The following TNS3 variants were observed in gnomAD, a reference collection of about 807,000 sequenced individuals.
TNS3 encodes tensin-3.
A neutral mutation model predicts 140.9 loss-of-function variants in TNS3; 45 were observed. The observed-to-expected ratio is 0.32, with a 90% CI of 0.25 to 0.41. TNS3 has a LOEUF of 0.41. Ranked by LOEUF, TNS3 falls within the 10% of genes least tolerant of loss-of-function variation. The pLI is 1.00. For synonymous variants in TNS3, 815 were observed against 788.4 expected, an observed-to-expected ratio of 1.03 and a Z score of -0.56; for missense variants, 1,716 against 1,906.7, an observed-to-expected ratio of 0.90 and a Z score of 1.86.
intron 20 of TNS3, among the ~76,000 whole-genome samples, chr7:47,335,259 G>A (rs541152703): frequency 2.9e-4 from 44 of 152,222 alleles, no homozygotes; most frequent in Admixed American, 2.2e-3. Context: ...TGACGCTCCC[G>A]CTTGAGGGCC....
At chr7:47,417,436 G>A (rs1159130752) in intron 10 of TNS3, among the ~76,000 whole-genome samples, 3 of 152,246 alleles carry the variant, frequency 2.0e-5, no homozygotes, top group African/African-American at 7.2e-5. Context: ...GAAGGCCAAA[G>A]TCCAGGGCCA....
At position 47,285,008 on chromosome 7, in the gene TNS3, G is replaced by A. The variant is rs114947883; in HGVS notation, c.3929-1143C>T. Reference sequence around the variant, plus strand: ...AGGTGTGTTGGCAGGTGCACAGACAGATGTGTTGGCAGGTGGTTTGGCAGG... The same window carrying A: ...AGGTGTGTTGGCAGGTGCACAGACAAATGTGTTGGCAGGTGGTTTGGCAGG... On this transcript the variant is annotated intron_variant, in intron 27 of 30. Coordinates refer to ENST00000311160, the MANE Select transcript of TNS3 (RefSeq NM_022748.12). Among the ~76,000 whole-genome samples the A allele has an allele frequency of 6.5e-3, 994 of 152,342 alleles. 15 individuals are homozygous for A. The highest frequency in any genetic ancestry group is 0.022 in the African/African-American group (934 of 41,568).
chr7:47,456,126 T>C (rs147158737), intron 4 of TNS3, among the ~76,000 whole-genome samples: 1 of 152,216 alleles, frequency 6.6e-6, no homozygotes, highest in East Asian at 1.9e-4. Flanking sequence ...AAGATTAATA[T>C]AAGGGGAACA....
At chr7:47,417,764 A>C (rs561882158) in intron 10 of TNS3, among the ~76,000 whole-genome samples, 25 of 152,172 alleles carry the variant, frequency 1.6e-4, no homozygotes, top group South Asian at 4.1e-4. Context: ...ACAACAACAA[A>C]AAAAAACCAA....
chr7:47,308,264 C>T (rs891610065), intron 20 of TNS3, among the ~76,000 whole-genome samples: 4 of 152,242 alleles, frequency 2.6e-5, no homozygotes, highest in Non-Finnish European at 5.9e-5. Context: ...ATGTTAAATC[C>T]ATCTAGGTTA....
At chr7:47,578,979 CA>C (rs146755816) in intron 1 of TNS3, among the ~76,000 whole-genome samples, 1,712 of 137,114 alleles carry the variant, frequency 0.012, 32 homozygotes, top group African/African-American at 0.04. Context: ...GTTTTAGGAG[CA>C]GTGAGGCAGC....
chr7:47,517,786 G>A (rs574593687), intron 2 of TNS3, among the ~76,000 whole-genome samples: 36 of 152,194 alleles, frequency 2.4e-4, no homozygotes, highest in African/African-American at 7.7e-4. Flanking sequence ...AAGGTGCAGC[G>A]GGAGCCTAAA....
intron 1 of TNS3, among the ~76,000 whole-genome samples, chr7:47,532,537 A>G (rs890017644): frequency 1.3e-5 from 2 of 152,158 alleles, no homozygotes; most frequent in Non-Finnish European, 2.9e-5. Flanking sequence ...TACCCTCTCC[A>G]GGGCCTCCTC....
At chr7:47,473,030 T>G (rs1797023495) in intron 4 of TNS3, among the ~76,000 whole-genome samples, 1 of 152,000 alleles carries the variant, frequency 6.6e-6, no homozygotes, top group African/African-American at 2.4e-5. Context: ...CCAATCTGAG[T>G]GTGATCGCCC....
intron 3 of TNS3, among the ~76,000 whole-genome samples, chr7:47,505,773 G>A (rs901782912): frequency 2.0e-5 from 3 of 152,214 alleles, no homozygotes; most frequent in African/African-American, 7.2e-5. Flanking sequence ...GTATGCGTGT[G>A]AGCACAAATG....
rs141002415 is a variant in TNS3 at position 47,560,808 on chromosome 7, C to T, written c.-265+21243G>A. Among the ~76,000 whole-genome samples, 1,378 of 152,298 alleles carry T rather than the reference C, an allele frequency of 9.0e-3. 23 individuals are homozygous for T. Among genetic ancestry groups the T allele is most frequent in the African/African-American group, 0.031 (1,309 of 41,562 alleles). ...GTCCTGGAGCCTGGAGCCTCCAAGT[C>T]CTCAGTGAGGAACCCAGGCGCCACC... is the stretch of plus-strand genomic sequence containing the variant. On this transcript the variant is annotated intron_variant, in intron 1 of 30. Transcript: ENST00000311160.
At chr7:47,535,617 C>G (rs1323160908) in intron 1 of TNS3, among the ~76,000 whole-genome samples, 2 of 152,184 alleles carry the variant, frequency 1.3e-5, no homozygotes, top group South Asian at 4.1e-4. Context: ...TTGTTAGGAA[C>G]AAAATGTTGG....
At chr7:47,474,364 C>T (rs1170194080) in intron 4 of TNS3, among the ~76,000 whole-genome samples, 1 of 149,960 alleles carries the variant, frequency 6.7e-6, no homozygotes, top group Admixed American at 6.6e-5. Context: ...ACACACAAAA[C>T]ACTTCACACA....
At chr7:47,528,427 T>C (rs1432814140) in intron 2 of TNS3, among the ~76,000 whole-genome samples, 1 of 152,040 alleles carries the variant, frequency 6.6e-6, no homozygotes, top group Non-Finnish European at 1.5e-5. Flanking sequence ...CCCCGCACTC[T>C]CCAAGGACCT....
chr7:47,307,428 A>C (rs1177746731), intron 20 of TNS3, among the ~76,000 whole-genome samples: 1 of 152,192 alleles, frequency 6.6e-6, no homozygotes, highest in African/African-American at 2.4e-5. Context: ...TGTTGCCACT[A>C]TGGGGCTGCT....
intron 4 of TNS3, among the ~76,000 whole-genome samples, chr7:47,448,300 T>C (rs1449934072): frequency 6.6e-6 from 1 of 152,160 alleles, no homozygotes; most frequent in Non-Finnish European, 1.5e-5. Flanking sequence ...GCAACAAAAC[T>C]TCCTTGAAGT....
intron 4 of TNS3, among the ~76,000 whole-genome samples, chr7:47,451,434 A>T (rs961330167): frequency 8.5e-5 from 13 of 152,132 alleles, no homozygotes; most frequent in African/African-American, 2.9e-4. Flanking sequence ...ACAAAAAATT[A>T]GCCGGGCGTG....
intron 16 of TNS3, among the ~76,000 whole-genome samples, chr7:47,391,094 C>A (rs926512864): frequency 2.0e-5 from 3 of 152,188 alleles, no homozygotes; most frequent in Admixed American, 1.3e-4. Flanking sequence ...ACCAGCCAGG[C>A]GGAACACACT....
At chr7:47,493,587 G>A (rs567847389) in intron 3 of TNS3, among the ~76,000 whole-genome samples, 6 of 151,962 alleles carry the variant, frequency 3.9e-5, no homozygotes, top group African/African-American at 1.4e-4. Context: ...GGGAGGCCAA[G>A]GCGGGTGGAT....
Sources: allele counts gnomAD v4.1 joint callset (sites outside exome capture counted in the v4.1 genomes callset), GRCh38; gene constraint gnomAD v4.1.1; transcripts MANE v1.5; gene names NCBI Gene and HGNC (gene_info 2026-07-23, HGNC 2026-07-21).